PCSK2: variants seen among roughly 807,000 people sequenced by gnomAD.
PCSK2 encodes the protein neuroendocrine convertase 2.
PCSK2 carries 14 observed loss-of-function variants against 69.7 expected under a neutral mutation model. The ratio of observed to expected loss-of-function variants is 0.20; its 90% CI spans 0.13 to 0.31. The LOEUF (loss-of-function observed/expected upper bound fraction) is 0.31, where lower values mean the gene tolerates loss of function less well. Ranked by LOEUF, PCSK2 falls within the 10% of genes least tolerant of loss-of-function variation. The pLI, the probability that PCSK2 is intolerant of heterozygous loss-of-function variation, is 1.00. For missense variants in PCSK2, 544 were observed against 842.5 expected, an observed-to-expected ratio of 0.65 and a Z score of 4.39; for synonymous variants, 307 against 320.7, an observed-to-expected ratio of 0.96 and a Z score of 0.46.
chr20:17,473,889 C>T (rs1421582179), intron 11 of PCSK2, among the ~76,000 whole-genome samples: 2 of 152,208 alleles, frequency 1.3e-5, no homozygotes, highest in Non-Finnish European at 1.5e-5. Context: ...GCAGACCCAG[C>T]TCCTGTGCAG....
At chr20:17,425,218 T>C (rs1454883309) in intron 6 of PCSK2, among the ~76,000 whole-genome samples, 1 of 152,206 alleles carries the variant, frequency 6.6e-6, no homozygotes. Flanking sequence ...TAATTTCACA[T>C]ATTTAAATAA....
intron 2 of PCSK2, among the ~76,000 whole-genome samples, chr20:17,337,598 C>A (rs888321681): frequency 6.6e-6 from 1 of 152,012 alleles, no homozygotes; most frequent in African/African-American, 2.4e-5. Context: ...AAAGATAATT[C>A]TTTTGTTTTC....
chr20:17,356,038 A>T lies in PCSK2; in HGVS notation c.283-2289A>T, dbSNP rs560624808. 8.5e-5 allele frequency among the ~76,000 whole-genome samples: 13 copies of T among 152,322 alleles called. No individual in the cohort carries two copies. In the South Asian group the frequency reaches 2.5e-3, roughly 29 times the overall value. On this transcript the variant is annotated intron_variant, in intron 2 of 11. Transcript: ENST00000262545. ...CATCTTGGCAATGGCTTCCTAGAGG[A>T]TATACATGTGTGTGTGCATATATAT... is the stretch of plus-strand genomic sequence containing the variant.
intron 5 of PCSK2, among the ~76,000 whole-genome samples, chr20:17,380,319 A>G (rs1229482901): frequency 1.3e-5 from 2 of 152,180 alleles, no homozygotes. Flanking sequence ...TTTTCTTAAT[A>G]TGTTTGCTTT....
intron 1 of PCSK2, among the ~76,000 whole-genome samples, chr20:17,227,859 A>C (rs6136033): frequency 0.56 from 85,473 of 151,854 alleles, 24,268 homozygotes; most frequent in South Asian, 0.73. Flanking sequence ...TGGCCAGGGA[A>C]GTCTCCCCCA....
At chr20:17,275,084 CATATAT>C (rs11474649) in intron 2 of PCSK2, among the ~76,000 whole-genome samples, 1,621 of 141,438 alleles carry the variant, frequency 0.011, 13 homozygotes, top group South Asian at 0.014. Context: ...ATTATTTATA[CATATAT>C]ATATATATAT....
At chr20:17,428,695 C>T (rs1197214322) in intron 6 of PCSK2, among the ~76,000 whole-genome samples, 2 of 152,068 alleles carry the variant, frequency 1.3e-5, no homozygotes, top group African/African-American at 2.4e-5. Flanking sequence ...TTGTTCCACC[C>T]ACCATTAAAA....
At chr20:17,227,510 T>A in intron 1 of PCSK2, 28 bp downstream of exon 1, 1 of 1,596,404 alleles carries the variant, frequency 6.3e-7, no homozygotes, top group Non-Finnish European at 8.6e-7. Flanking sequence ...TTTCGCATGT[T>A]GTTTCAAAAC....
At chr20:17,315,099 G>A (rs1204181918) in intron 2 of PCSK2, among the ~76,000 whole-genome samples, 3 of 152,098 alleles carry the variant, frequency 2.0e-5, no homozygotes, top group African/African-American at 7.2e-5. Context: ...GGCTTTCTCT[G>A]CGGATTCCTC....
intron 2 of PCSK2, among the ~76,000 whole-genome samples, chr20:17,343,041 TA>T (rs971652148): frequency 6.6e-6 from 1 of 152,138 alleles, no homozygotes; most frequent in African/African-American, 2.4e-5. Flanking sequence ...ACAGAAAGCT[TA>T]AAAAACTTGA....
intron 2 of PCSK2, among the ~76,000 whole-genome samples, chr20:17,328,444 A>C (rs1444775830): frequency 6.7e-6 from 1 of 149,176 alleles, no homozygotes; most frequent in African/African-American, 2.4e-5. Context: ...TATATATTGT[A>C]GAATTACATA....
intron 2 of PCSK2, among the ~76,000 whole-genome samples, chr20:17,327,721 A>G (rs926490): frequency 0.99 from 151,403 of 152,354 alleles, 75,231 homozygotes; most frequent in Middle Eastern, 1. Context: ...AATTGGCCAG[A>G]ATAATACAAC....
chr20:17,357,722 C>T (rs2030249581), intron 2 of PCSK2, among the ~76,000 whole-genome samples: 1 of 152,022 alleles, frequency 6.6e-6, no homozygotes, highest in East Asian at 1.9e-4. Context: ...TGGAGAAGCC[C>T]TGTCTCTACT....
At chr20:17,278,627 G>T (rs1040039434) in intron 2 of PCSK2, among the ~76,000 whole-genome samples, 2 of 152,032 alleles carry the variant, frequency 1.3e-5, no homozygotes, top group African/African-American at 4.8e-5. Flanking sequence ...GCTAAATGAC[G>T]AGTTAATGGG....
chr20:17,293,184 T>C (rs1384776448), intron 2 of PCSK2, among the ~76,000 whole-genome samples: 1 of 152,218 alleles, frequency 6.6e-6, no homozygotes, highest in Non-Finnish European at 1.5e-5. Context: ...AGTTTTTACA[T>C]GTTGATTTTC....
chr20:17,412,077 C>A (rs970929551), intron 6 of PCSK2, among the ~76,000 whole-genome samples: 6 of 152,134 alleles, frequency 3.9e-5, no homozygotes, highest in African/African-American at 1.4e-4. Flanking sequence ...TGGGGAGAAA[C>A]CAGAGCAGAA....
intron 2 of PCSK2, among the ~76,000 whole-genome samples, chr20:17,300,392 G>T (rs1311437927): frequency 6.6e-6 from 1 of 152,378 alleles, no homozygotes; most frequent in African/African-American, 2.4e-5. Flanking sequence ...GGCATAGATG[G>T]GTTCCCCAGA....
At chr20:17,361,400 C>T (rs534383144) in intron 4 of PCSK2, among the ~76,000 whole-genome samples, 2 of 152,252 alleles carry the variant, frequency 1.3e-5, no homozygotes, top group Non-Finnish European at 2.9e-5. Flanking sequence ...GATGAATTGG[C>T]ATTTTTCCAA....
intron 2 of PCSK2, among the ~76,000 whole-genome samples, chr20:17,282,413 T>G (rs1988350355): frequency 6.6e-6 from 1 of 152,106 alleles, no homozygotes; most frequent in African/African-American, 2.4e-5. Flanking sequence ...TAAGAAGAAA[T>G]ATCGATTTAT....
Sources: gnomAD v4.1 joint callset for allele counts (sites outside exome capture counted in the v4.1 genomes callset) on GRCh38, gnomAD v4.1.1 for gene constraint, MANE v1.5 for transcripts, NCBI Gene and HGNC (gene_info 2026-07-23, HGNC 2026-07-21) for gene names.